The following JAK3 variants were observed in gnomAD, a reference collection of about 807,000 sequenced individuals.
The protein encoded by JAK3 is Janus kinase 3.
Under a neutral mutation model 120.8 loss-of-function variants are expected in JAK3, and 88 were observed. The observed-to-expected ratio is 0.73, with a 90% CI of 0.61 to 0.87. JAK3 has a LOEUF of 0.87. JAK3 is among the 40% of genes least tolerant of loss of function. The pLI is 0.00. For synonymous variants in JAK3, 592 were observed against 628.6 expected (o/e 0.94, Z 0.87); for missense variants, 1,254 against 1,501.4 (o/e 0.84, Z 2.72).
chr19:17,826,230 A>T lies in JAK3; in HGVS notation c.*513T>A, dbSNP rs1290461367. On this transcript the variant is annotated 3_prime_UTR_variant, in exon 24 of 24. Coordinates refer to ENST00000458235, the MANE Select transcript of JAK3 (RefSeq NM_000215.4). ...GAAACCTCATCTCTATTAAAAATAA[A>T]AAAAATTAGCCGGGTGTGGTGGTGC... The T allele has an allele frequency of 1.8e-5, 3 of 166,400 alleles. No homozygotes were observed. Among genetic ancestry groups the T allele is most frequent in the African/African-American group, 7.2e-5 (3 of 41,628 alleles). The allele number at this position is 166,400 out of a possible 1,614,324, so 10.3% of individuals were successfully genotyped here.
chr19:17,838,267 T>TG lies in JAK3; in HGVS notation c.1564_1565insC (p.Glu522AlafsTer4), dbSNP rs1174705163. On this transcript the variant is annotated frameshift_variant, in exon 11 of 24. Coordinates refer to ENST00000458235, the MANE Select transcript of JAK3 (RefSeq NM_000215.4). LOFTEE classifies it high-confidence loss of function. Reference sequence around the variant, plus strand: ...TCATTTCCCAGGGCCTCTTACCCACTCCAGGCTGTCAGCAGGGATCTTGTG... The same window carrying TG: ...TCATTTCCCAGGGCCTCTTACCCACTGCCAGGCTGTCAGCAGGGATCTTGTG... The TG allele has an allele frequency of 1.2e-6, 2 of 1,613,938 alleles. No individual in the cohort carries two copies. Among genetic ancestry groups the TG allele is most frequent in the African/African-American group, 2.7e-5 (2 of 74,884 alleles).
In JAK3 at chr19:17,826,359, T is replaced by C. The variant is rs964668562; in HGVS notation, c.*384A>G. On this transcript the variant is annotated 3_prime_UTR_variant, in exon 24 of 24. Transcript: ENST00000458235. ...GAGATCGCACCACTGCACTCCACCC[T>C]GGGTAACAGAGCGAGGCTCTGTCTC... The C allele has an allele frequency of 9.6e-5, 25 of 259,428 alleles. No homozygotes were observed. Among genetic ancestry groups the C allele is most frequent in the African/African-American group, 5.3e-4 (24 of 45,344 alleles). 16.1% of individuals were successfully genotyped at this position (259,428 alleles called of 1,614,324 possible).
chr19:17,832,133 G>C lies in JAK3; in HGVS notation c.2681-335C>G, dbSNP rs563502280. On this transcript the variant is annotated intron_variant, in intron 19 of 23. Coordinates refer to ENST00000458235, the MANE Select transcript of JAK3 (RefSeq NM_000215.4). This position sits in a 1 kb window ranked among gnomAD's most constrained non-coding sequence, Gnocchi z 4.7. The stretch of plus-strand genomic sequence containing the variant: ...AAAAATTAGCCGGGTGTGGTGGCAC[G>C]CTCCTGTAATCCCAGCTACTCTGGA... Among the ~76,000 whole-genome samples, 171 of 152,184 alleles carry C rather than the reference G, an allele frequency of 1.1e-3. No individual in the cohort carries two copies. Among genetic ancestry groups the C allele is most frequent in the African/African-American group, 3.9e-3 (162 of 41,528 alleles).
At chr19:17,829,111 T>C (rs2094209166) in intron 23 of JAK3, among the ~76,000 whole-genome samples, 1 of 151,910 alleles carries the variant, frequency 6.6e-6, no homozygotes, top group Non-Finnish European at 1.5e-5. Context: ...CTGGGCAACA[T>C]AGCGAGACCT....
Position 17,826,589 on chromosome 19 carries a change from A to G in JAK3, c.*154T>C. 1 of 817,486 alleles carries G rather than the reference A, an allele frequency of 1.2e-6. No homozygotes were observed. Among genetic ancestry groups the G allele is most frequent in the Non-Finnish European group, 2.1e-6 (1 of 471,478 alleles). The allele number at this position is 817,486 out of a possible 1,614,324, so 50.6% of individuals were successfully genotyped here. The stretch of plus-strand genomic sequence containing the variant: ...TTGCAAAGGCCACAGGCTATTCTAC[A>G]GGCCACGGGAGCCCCCCCAAATGCA... On this transcript the variant is annotated 3_prime_UTR_variant, in exon 24 of 24. Coordinates refer to ENST00000458235, the MANE Select transcript of JAK3 (RefSeq NM_000215.4).
chr19:17,835,911 G>C lies in JAK3; in HGVS notation c.1914+13C>G, dbSNP rs758728236. 2 of 1,613,428 alleles carry C rather than the reference G, an allele frequency of 1.2e-6. No homozygotes were observed. The highest frequency in any genetic ancestry group is 2.7e-5 in the African/African-American group (2 of 74,950). ...CTGGGAATGGAGGGTGGAGCAGGCAGAGGAGCACTCACCAGATAGTTGAGG... is the reference window on the plus strand; with the variant it reads ...CTGGGAATGGAGGGTGGAGCAGGCACAGGAGCACTCACCAGATAGTTGAGG... On this transcript the variant is annotated intron_variant, in intron 14 of 23. Coordinates refer to ENST00000458235, the MANE Select transcript of JAK3 (RefSeq NM_000215.4).
chr19:17,843,632 G>T lies in JAK3; in HGVS notation c.309-141C>A. ...CCTTTAACTTGCTGTGTGACCTTGG[G>T]CAAGTGACCCACCCTCTCTGGTCTG... On this transcript the variant is annotated intron_variant, in intron 3 of 23. Coordinates refer to ENST00000458235, the MANE Select transcript of JAK3 (RefSeq NM_000215.4). The surrounding 1 kb of genome is among the most constrained non-coding windows in gnomAD (Gnocchi z 5.4). 7.9e-7 allele frequency: 1 copy of T among 1,268,508 alleles called. No homozygotes were observed. Among genetic ancestry groups the T allele is most frequent in the Non-Finnish European group, 1.2e-6 (1 of 867,808 alleles). The allele number at this position is 1,268,508 out of a possible 1,614,324, so 78.6% of individuals were successfully genotyped here. A position where few individuals can be genotyped will look rare whatever the true frequency, so the allele number is the denominator to read the frequency against.
intron 13 of JAK3, 95 bp from the exon 14 acceptor site, chr19:17,836,146 C>T (rs565103035): frequency 3.5e-6 from 5 of 1,435,090 alleles, no homozygotes; most frequent in Admixed American, 1.7e-5. Flanking sequence ...GTCTCTCAAA[C>T]TCTCATCTCT....
chr19:17,827,906 AAAAAAAAAACAAC>A (rs996385010), intron 23 of JAK3, among the ~76,000 whole-genome samples: 8 of 150,744 alleles, frequency 5.3e-5, no homozygotes, highest in African/African-American at 1.9e-4. Context: ...ACGTCTCAAA[AAAAAAAAAACAAC>A]AAAAAAACAC....
intron 23 of JAK3, 92 bp from the exon 24 acceptor site, chr19:17,827,002 C>T (rs552152811): frequency 2.2e-5 from 31 of 1,397,028 alleles, no homozygotes; most frequent in African/African-American, 5.6e-5. Context: ...TTTTTTGAGA[C>T]GGAGTCTAGC....
chr19:17,830,693 G>T, intron 21 of JAK3, 73 bp from the exon 22 acceptor site: 1 of 1,227,622 alleles, frequency 8.1e-7, no homozygotes, highest in Non-Finnish European at 1.2e-6. Flanking sequence ...CTTGGAATGG[G>T]GAACTGGTCA....
In JAK3 at chr19:17,838,032, T is replaced by C. The variant is rs1041968440; in HGVS notation, c.1601A>G (p.Lys534Arg). ...CTCATGGCGACAGCCCCGGTAAATC[T>C]TGGTGAAGGACCCATGGCCCAGGTT... ...HENLGHGSFT[K>R]IYRGCRHEVV... The change falls in exon 12 of 24, where the codon AAG becomes AGG. Residue 534 changes from lysine to arginine, a missense_variant. This residue lies in a region of JAK3 where 630 missense variants were observed against 819.8 expected (regional missense o/e 0.77). Transcript: ENST00000458235. The C allele has an allele frequency of 1.2e-6, 2 of 1,613,906 alleles. No individual in the cohort carries two copies. Among genetic ancestry groups the C allele is most frequent in the Non-Finnish European group, 1.7e-6 (2 of 1,180,004 alleles).
chr19:17,834,204 TG>T (rs2094219655), intron 17 of JAK3, among the ~76,000 whole-genome samples: 4 of 151,852 alleles, frequency 2.6e-5, no homozygotes, highest in Admixed American at 2.6e-4. Flanking sequence ...AAAAATTAGC[TG>T]GGCGTGGTGG....
At position 17,842,261 on chromosome 19, in the gene JAK3, C is replaced by CGA; in HGVS notation, c.861+54_861+55insTC. On this transcript the variant is annotated intron_variant, in intron 6 of 23. Coordinates refer to ENST00000458235, the MANE Select transcript of JAK3 (RefSeq NM_000215.4). The surrounding 1 kb of genome is among the most constrained non-coding windows in gnomAD (Gnocchi z 6.4). ...CACATCCCCTACCACTCTCCGGCCC[C>CGA]TCCCCGAGCCCCGCCCCCACGTTGG... is the stretch of plus-strand genomic sequence containing the variant. 2 of 1,443,586 alleles carry CGA rather than the reference C, an allele frequency of 1.4e-6. No individual in the cohort carries two copies. The highest frequency in any genetic ancestry group is 9.1e-7 in the Non-Finnish European group (1 of 1,093,652). 89.4% of individuals were successfully genotyped at this position (1,443,586 alleles called of 1,614,324 possible). A position where few individuals can be genotyped will look rare whatever the true frequency, so the allele number is the denominator to read the frequency against.
At position 17,841,246 on chromosome 19, in the gene JAK3, C is replaced by T. The variant is rs1347712664; in HGVS notation, c.1142+143G>A. Reference sequence around the variant, plus strand: ...TGAAGCAGAAGGAATACTTCAGCTTCACTGAGCGCTGACTGTGCGGCAGGT... The same window carrying T: ...TGAAGCAGAAGGAATACTTCAGCTTTACTGAGCGCTGACTGTGCGGCAGGT... On this transcript the variant is annotated intron_variant, in intron 8 of 23. Transcript: ENST00000458235. This position sits in a 1 kb window ranked among gnomAD's most constrained non-coding sequence, Gnocchi z 4.1. 1 of 774,880 alleles carries T rather than the reference C, an allele frequency of 1.3e-6. No individual in the cohort carries two copies. The highest frequency in any genetic ancestry group is 1.7e-5 in the African/African-American group (1 of 57,608). The allele number at this position is 774,880 out of a possible 1,614,324, so 48.0% of individuals were successfully genotyped here. A position where few individuals can be genotyped will look rare whatever the true frequency, so the allele number is the denominator to read the frequency against.
In JAK3 at chr19:17,825,329, C is replaced by T. The variant is rs541364775; in HGVS notation, c.*1414G>A. 20 of 227,080 alleles carry T rather than the reference C, an allele frequency of 8.8e-5. No homozygotes were observed. The South Asian group carries it at 2.6e-3, about 29-fold the overall frequency. 14.1% of individuals were successfully genotyped at this position (227,080 alleles called of 1,614,324 possible). A position where few individuals can be genotyped will look rare whatever the true frequency, so the allele number is the denominator to read the frequency against. On this transcript the variant is annotated 3_prime_UTR_variant, in exon 24 of 24. Transcript: ENST00000458235. ...GGAATGCCTTTCCTTCCCTTGATTG[C>T]GTGAAAAGTTCCTGCCAGGTTTGGT... is the stretch of plus-strand genomic sequence containing the variant.
In JAK3 at chr19:17,830,445, T is replaced by C. The variant is rs2302602; in HGVS notation, c.3096+58A>G. 0.028 allele frequency: 38,731 copies of C among 1,372,948 alleles called. 3,587 individuals are homozygous for C. Among genetic ancestry groups the C allele is most frequent in the East Asian group, 0.27 (11,260 of 41,738 alleles). 85.0% of individuals were successfully genotyped at this position (1,372,948 alleles called of 1,614,324 possible). On this transcript the variant is annotated intron_variant, in intron 22 of 23. Coordinates refer to ENST00000458235, the MANE Select transcript of JAK3 (RefSeq NM_000215.4). ...GACGCAGGCGCAGACAGGTTGGAGA[T>C]TGGCCACGAGGGGCGTGGAGGGAGA... is the stretch of plus-strand genomic sequence containing the variant.
rs2094246845 is a variant in JAK3 at position 17,844,268 on chromosome 19, A to G, written c.150T>C (p.Ala50=). ...TGGCAGCCTGCACGCACAGGTCCTCAGCCAAGTGGTCCCCAAAGGAGAAAG... is the reference window on the plus strand; with the variant it reads ...TGGCAGCCTGCACGCACAGGTCCTCGGCCAAGTGGTCCCCAAAGGAGAAAG... ...RLSFSFGDHL[A]EDLCVQAAKA... The change falls in exon 2 of 24, where the codon GCT becomes GCC. Residue 50 remains alanine, a synonymous_variant. Coordinates refer to ENST00000458235, the MANE Select transcript of JAK3 (RefSeq NM_000215.4). The G allele has an allele frequency of 6.2e-7, 1 of 1,604,288 alleles. No individual in the cohort carries two copies. The highest frequency in any genetic ancestry group is 1.7e-5 in the Admixed American group (1 of 58,614).
intron 10 of JAK3, 49 bp downstream of exon 10, chr19:17,839,428 A>G: frequency 6.6e-7 from 1 of 1,525,644 alleles, no homozygotes; most frequent in Non-Finnish European, 8.9e-7. Flanking sequence ...AGACATAGAA[A>G]GCCAGGGTCC....
Sources: allele counts gnomAD v4.1 joint callset (sites outside exome capture counted in the v4.1 genomes callset), GRCh38; gene constraint gnomAD v4.1.1; regional missense constraint gnomAD v4.1.1; non-coding constraint Gnocchi (gnomAD v3.1); transcripts MANE v1.5; gene names NCBI Gene and HGNC (gene_info 2026-07-23, HGNC 2026-07-21).